IMMP2L: variants seen among roughly 807,000 people sequenced by gnomAD.
IMMP2L encodes mitochondrial inner membrane protease subunit 2.
IMMP2L carries 18 observed loss-of-function variants against 19.3 expected under a neutral mutation model. The observed-to-expected ratio is 0.93, with a 90% CI of 0.64 to 1.38. The LOEUF is 1.38. Ranked by LOEUF, IMMP2L falls within the 40% of genes most tolerant of loss-of-function variation. The pLI is 0.00. For synonymous variants in IMMP2L, 76 were observed against 73.0 expected, an observed-to-expected ratio of 1.04 and a Z score of -0.21; for missense variants, 233 against 218.2, an observed-to-expected ratio of 1.07 and a Z score of -0.43.
intron 3 of IMMP2L, among the ~76,000 whole-genome samples, chr7:111,144,295 T>C (rs1803241945): frequency 6.6e-6 from 1 of 152,146 alleles, no homozygotes; most frequent in Admixed American, 6.6e-5. Flanking sequence ...TTAGACAATA[T>C]CTAGTCAATG....
intron 3 of IMMP2L, among the ~76,000 whole-genome samples, chr7:111,312,756 A>C (rs1273186158): frequency 1.3e-5 from 2 of 152,158 alleles, no homozygotes; most frequent in Admixed American, 6.6e-5. Context: ...TGGCAATGAT[A>C]TACTATTGTG....
At chr7:111,441,389 T>C (rs1206038763) in intron 3 of IMMP2L, among the ~76,000 whole-genome samples, 2 of 151,668 alleles carry the variant, frequency 1.3e-5, no homozygotes, top group East Asian at 1.9e-4. Flanking sequence ...AATTTCAATA[T>C]TGTTGTGTCT....
At chr7:111,168,957 T>C (rs1339563863) in intron 3 of IMMP2L, among the ~76,000 whole-genome samples, 1 of 151,862 alleles carries the variant, frequency 6.6e-6, no homozygotes, top group Non-Finnish European at 1.5e-5. Flanking sequence ...TGTCTTCATG[T>C]AATAGTGAAA....
intron 1 of IMMP2L, among the ~76,000 whole-genome samples, chr7:111,554,886 C>T (rs1479861781): frequency 3.3e-5 from 5 of 152,024 alleles, no homozygotes; most frequent in Admixed American, 2.6e-4. Flanking sequence ...AGTACTGGTG[C>T]TGCTTTATTT....
intron 3 of IMMP2L, among the ~76,000 whole-genome samples, chr7:111,057,559 T>A (rs1000809012): frequency 8.5e-5 from 13 of 152,212 alleles, no homozygotes; most frequent in African/African-American, 2.9e-4. Flanking sequence ...TTACCATTCA[T>A]AGAAAGCAGC....
At chr7:111,470,205 C>A (rs1395910069) in intron 3 of IMMP2L, among the ~76,000 whole-genome samples, 1 of 152,110 alleles carries the variant, frequency 6.6e-6, no homozygotes, top group Non-Finnish European at 1.5e-5. Flanking sequence ...AAATGGCAAT[C>A]ATTAAAAAGT....
chr7:111,007,109 A>G, intron 3 of IMMP2L, among the ~76,000 whole-genome samples: 1 of 152,136 alleles, frequency 6.6e-6, no homozygotes, highest in East Asian at 1.9e-4. Flanking sequence ...GGGAGGCCTC[A>G]GGAAGCTTAC....
intron 3 of IMMP2L, among the ~76,000 whole-genome samples, chr7:111,305,685 G>A (rs1316831476): frequency 6.6e-6 from 1 of 152,144 alleles, no homozygotes; most frequent in Non-Finnish European, 1.5e-5. Flanking sequence ...TTATGAATTT[G>A]TTTGGTGAGT....
At chr7:111,555,720 C>A (rs907954047) in intron 1 of IMMP2L, among the ~76,000 whole-genome samples, 1 of 151,890 alleles carries the variant, frequency 6.6e-6, no homozygotes, top group African/African-American at 2.4e-5. Context: ...TGGCAAAAAG[C>A]AGAATCTATT....
intron 3 of IMMP2L, among the ~76,000 whole-genome samples, chr7:111,274,521 T>C (rs2130405662): frequency 6.6e-6 from 1 of 152,276 alleles, no homozygotes; most frequent in Non-Finnish European, 1.5e-5. Flanking sequence ...GTTAGATTCA[T>C]TTACAGTAAA....
At chr7:111,119,828 G>A (rs1338459773) in intron 3 of IMMP2L, among the ~76,000 whole-genome samples, 2 of 152,138 alleles carry the variant, frequency 1.3e-5, no homozygotes, top group Non-Finnish European at 2.9e-5. Flanking sequence ...TGAAGGAAAG[G>A]ATCAAGGAAA....
chr7:110,701,533 G>C (rs998972314), intron 5 of IMMP2L, among the ~76,000 whole-genome samples: 7 of 151,918 alleles, frequency 4.6e-5, no homozygotes, highest in African/African-American at 1.7e-4. Context: ...CGATTCTCCT[G>C]CCTCAGCCTC....
chr7:110,672,571 C>T (rs761725688), intron 5 of IMMP2L, among the ~76,000 whole-genome samples: 40 of 152,132 alleles, frequency 2.6e-4, no homozygotes, highest in Non-Finnish European at 4.6e-4. Flanking sequence ...AAGTCCCTTC[C>T]GCCTATGAGC....
chr7:111,391,773 C>T lies in IMMP2L; in HGVS notation c.239+95465G>A, dbSNP rs943552411. 19 of 620,140 alleles carry T rather than the reference C, an allele frequency of 3.1e-5. 1 individual carries two copies. The highest frequency in any genetic ancestry group is 1.1e-4 in the African/African-American group (6 of 54,198). The allele number at this position is 620,140 out of a possible 1,614,324, so 38.4% of individuals were successfully genotyped here. The stretch of plus-strand genomic sequence containing the variant: ...AAAATGGCAAAAAGACAAACAACTA[C>T]GATAAGAGTATGAGTTCAAGGAAAC... On this transcript the variant is annotated intron_variant, in intron 3 of 5. Coordinates refer to ENST00000405709, the MANE Select transcript of IMMP2L (RefSeq NM_032549.4).
chr7:111,071,686 C>CA (rs1164157002), intron 3 of IMMP2L, among the ~76,000 whole-genome samples: 1 of 151,754 alleles, frequency 6.6e-6, no homozygotes, highest in Non-Finnish European at 1.5e-5. Flanking sequence ...GGTAAATTCA[C>CA]AGAGACAAAA....
Position 111,485,111 on chromosome 7 carries a change from C to G in IMMP2L, c.239+2127G>C, listed in dbSNP as rs1194955726. ...ACCTAAAAAAATACTTTAAATAATG[C>G]TAAAGAAGAATTTAGCATCAGATTT... is the stretch of plus-strand genomic sequence containing the variant. On this transcript the variant is annotated intron_variant, in intron 3 of 5. Coordinates refer to ENST00000405709, the MANE Select transcript of IMMP2L (RefSeq NM_032549.4). Among the ~76,000 whole-genome samples the G allele has an allele frequency of 2.0e-5, 3 of 152,018 alleles. 1 individual carries two copies. Among genetic ancestry groups the G allele is most frequent in the Non-Finnish European group, 4.4e-5 (3 of 67,992 alleles).
At chr7:111,508,354 C>A (rs1235731336) in intron 2 of IMMP2L, among the ~76,000 whole-genome samples, 2 of 151,636 alleles carry the variant, frequency 1.3e-5, no homozygotes, top group Admixed American at 1.3e-4. Flanking sequence ...TTAATTAAAA[C>A]TTAAAAATTA....
intron 3 of IMMP2L, among the ~76,000 whole-genome samples, chr7:111,414,827 T>A (rs1040849240): frequency 2.0e-5 from 3 of 151,756 alleles, no homozygotes; most frequent in Non-Finnish European, 4.4e-5. Context: ...TATTAATTTT[T>A]AAAAAAACAC....
chr7:110,974,393 G>A (rs1201934247), intron 3 of IMMP2L, among the ~76,000 whole-genome samples: 1 of 151,962 alleles, frequency 6.6e-6, no homozygotes, highest in African/African-American at 2.4e-5. Flanking sequence ...ATGACCACAT[G>A]GATAGATATT....
Sources: allele counts gnomAD v4.1 joint callset (sites outside exome capture counted in the v4.1 genomes callset), GRCh38; gene constraint gnomAD v4.1.1; transcripts MANE v1.5; gene names NCBI Gene and HGNC (gene_info 2026-07-23, HGNC 2026-07-21).